SIPA1L3: variants seen among roughly 807,000 people sequenced by gnomAD.
SIPA1L3 encodes the protein signal induced proliferation associated 1 like 3, also known as signal-induced proliferation-associated 1-like protein 3.
SIPA1L3 carries 59 observed loss-of-function variants against 150.1 expected under a neutral mutation model. The observed-to-expected ratio is 0.39, with a 90% CI of 0.32 to 0.49. SIPA1L3 has a LOEUF of 0.49. SIPA1L3 is among the 20% of genes least tolerant of loss of function. SIPA1L3 has a pLI of 0.86. For missense variants in SIPA1L3, 2,211 were observed against 2,489.5 expected (o/e 0.89, Z 2.38); for synonymous variants, 1,070 against 1,077.6 (o/e 0.99, Z 0.14).
rs1488073269 is a variant in SIPA1L3, at chr19:38,062,618, A to AT, written c.-310-18636dup. ...TTTTTGCTCTCATTTTATTATTATT[A>AT]TTATTTTTTTTTTTGAGAAAGAGTC... On this transcript the variant is annotated intron_variant, in intron 2 of 21. Transcript: ENST00000222345. Among the ~76,000 whole-genome samples the AT allele has an allele frequency of 4.3e-3, 551 of 129,542 alleles. 4 individuals carry two copies. The highest frequency in any genetic ancestry group is 0.018 in the African/African-American group (525 of 29,870). 85.0% of individuals were successfully genotyped at this position (129,542 alleles called of 152,430 possible). A position where few individuals can be genotyped will look rare whatever the true frequency, so the allele number is the denominator to read the frequency against.
At position 38,047,065 on chromosome 19, in the gene SIPA1L3, G is replaced by A. The variant is rs1969075993; in HGVS notation, c.-311+17909G>A. On this transcript the variant is annotated intron_variant, in intron 2 of 21. Coordinates refer to ENST00000222345, the MANE Select transcript of SIPA1L3 (RefSeq NM_015073.3). This position sits in a 1 kb window ranked among gnomAD's most constrained non-coding sequence, Gnocchi z 4.7. ...TCCTCCCAAAAACCCTGTGAGGCAG[G>A]CACTATCCAGTTTTACACATGAGGA... 6.6e-6 allele frequency among the ~76,000 whole-genome samples: 1 copy of A among 152,168 alleles called. No individual in the cohort carries two copies. The highest frequency in any genetic ancestry group is 2.4e-5 in the African/African-American group (1 of 41,418).
At chr19:38,195,079 C>T (rs537301879) in intron 18 of SIPA1L3, among the ~76,000 whole-genome samples, 15 of 152,256 alleles carry the variant, frequency 9.9e-5, no homozygotes, top group African/African-American at 2.2e-4. Context: ...CCTGCAGCTC[C>T]GTTGCCTTGG....
chr19:37,922,266 T>C (rs1194298629), intron 1 of SIPA1L3, among the ~76,000 whole-genome samples: 1 of 151,952 alleles, frequency 6.6e-6, no homozygotes, highest in Admixed American at 6.6e-5. Context: ...TTGTGTTTTT[T>C]TAGTACAGAC....
chr19:38,203,003 T>C (rs1257937753), intron 20 of SIPA1L3, among the ~76,000 whole-genome samples: 1 of 152,206 alleles, frequency 6.6e-6, no homozygotes, highest in Non-Finnish European at 1.5e-5. Context: ...TGGATTTAAA[T>C]AGTGCATTTC....
At chr19:38,118,206 G>A (rs768294953) in intron 8 of SIPA1L3, among the ~76,000 whole-genome samples, 9 of 152,172 alleles carry the variant, frequency 5.9e-5, no homozygotes, top group East Asian at 1.9e-4. Context: ...CAATAAAGCC[G>A]TATAACAAAC....
chr19:38,076,449 A>G (rs1410905802), intron 2 of SIPA1L3, among the ~76,000 whole-genome samples: 1 of 152,182 alleles, frequency 6.6e-6, no homozygotes, highest in Non-Finnish European at 1.5e-5. Flanking sequence ...TCCTGTTGCT[A>G]CTGCGGTGAG....
intron 16 of SIPA1L3, 51 bp from the exon 17 acceptor site, chr19:38,192,094 A>C: frequency 3.3e-6 from 5 of 1,519,110 alleles, no homozygotes; most frequent in Non-Finnish European, 4.4e-6. Flanking sequence ...AGCTTTGAAA[A>C]GTGGCTTGAG....
intron 5 of SIPA1L3, 124 bp downstream of exon 5, chr19:38,100,274 G>T (rs190333203): frequency 3.8e-5 from 28 of 743,202 alleles, no homozygotes; most frequent in Non-Finnish European, 5.1e-5. Flanking sequence ...TACTTAAGCT[G>T]GTTTCAGCAA....
intron 8 of SIPA1L3, among the ~76,000 whole-genome samples, chr19:38,112,787 C>T (rs181765633): frequency 1.2e-3 from 186 of 152,256 alleles, no homozygotes; most frequent in Non-Finnish European, 1.5e-3. Context: ...CAGGCAGCTC[C>T]TCTCTGGACA....
intron 1 of SIPA1L3, chr19:37,932,375 A>G (rs2046562245): frequency 6.6e-6 from 1 of 152,248 alleles, no homozygotes; most frequent in African/African-American, 2.4e-5. Flanking sequence ...CCCCAAAGGG[A>G]ATGTTGGCAA....
intron 4 of SIPA1L3, 65 bp from the exon 5 acceptor site, chr19:38,099,897 G>T: frequency 1.5e-6 from 2 of 1,314,728 alleles, no homozygotes; most frequent in Non-Finnish European, 1.1e-6. Context: ...AGATACCTCT[G>T]CTATGCTCTT....
chr19:38,029,437 T>G (rs1188975614), intron 2 of SIPA1L3, among the ~76,000 whole-genome samples: 1 of 152,246 alleles, frequency 6.6e-6, no homozygotes, highest in Non-Finnish European at 1.5e-5. Context: ...TATGCAGTGC[T>G]TCTTGGCTTG....
intron 13 of SIPA1L3, among the ~76,000 whole-genome samples, chr19:38,153,258 T>C (rs1971869034): frequency 6.6e-6 from 1 of 152,286 alleles, no homozygotes; most frequent in East Asian, 1.9e-4. Context: ...CCAGGGAAGG[T>C]AGCTGAAAAA....
rs146415283 is a variant in SIPA1L3, at chr19:38,136,622, T to C, written c.3144-4562T>C. Among the ~76,000 whole-genome samples, 985 of 152,214 alleles carry C rather than the reference T, an allele frequency of 6.5e-3. 40 individuals carry two copies. In the South Asian group the frequency reaches 0.11, roughly 18 times the overall value. ...CCGTCTCAAAAAAAAATTTTTTTAATCAATAAATGAAGCAGGCCTTCTCAA... is the reference window on the plus strand; with the variant it reads ...CCGTCTCAAAAAAAAATTTTTTTAACCAATAAATGAAGCAGGCCTTCTCAA... On this transcript the variant is annotated intron_variant, in intron 10 of 21. Coordinates refer to ENST00000222345, the MANE Select transcript of SIPA1L3 (RefSeq NM_015073.3).
chr19:37,955,952 T>G (rs1004380390), intron 1 of SIPA1L3, among the ~76,000 whole-genome samples: 1 of 152,244 alleles, frequency 6.6e-6, no homozygotes, highest in Non-Finnish European at 1.5e-5. Context: ...TTTAAGTTTT[T>G]AAGAAACTGC....
chr19:37,911,444 G>A (rs2046376706), intron 1 of SIPA1L3, among the ~76,000 whole-genome samples: 1 of 151,842 alleles, frequency 6.6e-6, no homozygotes, highest in South Asian at 2.1e-4. Context: ...ATTCTTCAGT[G>A]CAGAGAGACC....
intron 14 of SIPA1L3, among the ~76,000 whole-genome samples, chr19:38,162,898 A>G (rs969973438): frequency 1.3e-5 from 2 of 152,154 alleles, no homozygotes; most frequent in African/African-American, 4.8e-5. Flanking sequence ...AATGGCATGA[A>G]TCGCTTCCAT....
In SIPA1L3 at chr19:38,111,302, G is replaced by A. The variant is rs538869054; in HGVS notation, c.2291+918G>A. 2.6e-4 allele frequency among the ~76,000 whole-genome samples: 39 copies of A among 152,242 alleles called. 1 individual carries two copies. The highest frequency in any genetic ancestry group is 9.4e-4 in the African/African-American group (39 of 41,532). Reference sequence around the variant, plus strand: ...CAGCCTCAGCCTCCCAAAGTGCTGGGATTGTAAGTGTGAGCCACCGCACAC... The same window carrying A: ...CAGCCTCAGCCTCCCAAAGTGCTGGAATTGTAAGTGTGAGCCACCGCACAC... On this transcript the variant is annotated intron_variant, in intron 8 of 21. Transcript: ENST00000222345.
intron 1 of SIPA1L3, among the ~76,000 whole-genome samples, chr19:37,963,562 G>A (rs1405892013): frequency 6.6e-6 from 1 of 152,246 alleles, no homozygotes; most frequent in Non-Finnish European, 1.5e-5. Flanking sequence ...GAGCTGGTGC[G>A]TGTGATGGGA....
Sources: gnomAD v4.1 joint callset for allele counts (sites outside exome capture counted in the v4.1 genomes callset) on GRCh38, gnomAD v4.1.1 for gene constraint, Gnocchi (gnomAD v3.1) non-coding constraint, MANE v1.5 for transcripts, NCBI Gene and HGNC (gene_info 2026-07-23, HGNC 2026-07-21) for gene names.